Variants in TMEM165 observed in about 807,000 individuals in gnomAD.
TMEM165 encodes putative divalent cation/proton antiporter TMEM165.
Under a neutral mutation model 30.0 loss-of-function variants are expected in TMEM165, and 19 were observed. That is an observed-to-expected ratio of 0.63 (90% CI 0.44 to 0.93). The LOEUF is 0.93. Among genes scored for constraint, TMEM165 ranks in the 40% least tolerant of loss-of-function variants. TMEM165 has a pLI of 0.00. For synonymous variants in TMEM165, 168 were observed against 162.9 expected (o/e 1.03, Z -0.24); for missense variants, 340 against 417.0 (o/e 0.82, Z 1.61).
chr4:55,450,983 T>C (rs1417817782), intron 3 of TMEM165, among the ~76,000 whole-genome samples: 1 of 152,002 alleles, frequency 6.6e-6, no homozygotes, highest in Non-Finnish European at 1.5e-5. Flanking sequence ...CCAATGTTTC[T>C]TTCTCCATCA....
chr4:55,409,977 G>A (rs1004929791), intron 1 of TMEM165, among the ~76,000 whole-genome samples: 6 of 152,240 alleles, frequency 3.9e-5, no homozygotes, highest in African/African-American at 9.6e-5. Context: ...GGTCCCTCAC[G>A]GGATTGTTTT....
At chr4:55,443,631 T>A in intron 3 of TMEM165, 3 of 1,301,626 alleles carry the variant, frequency 2.3e-6, no homozygotes, top group South Asian at 2.4e-5. Context: ...GCTTCAGCAA[T>A]AGTGTGCCTT....
intron 3 of TMEM165, chr4:55,438,410 G>A: frequency 6.2e-7 from 1 of 1,613,918 alleles, no homozygotes; most frequent in Non-Finnish European, 8.5e-7. Flanking sequence ...GACTGTTGCT[G>A]TTGTGTAGCA....
At position 55,396,036 on chromosome 4, in the gene TMEM165, C is replaced by G. The variant is rs1046513831; in HGVS notation, c.-154C>G. 3.8e-6 allele frequency: 2 copies of G among 525,006 alleles called. No homozygotes were observed. The highest frequency in any genetic ancestry group is 5.9e-6 in the Non-Finnish European group (2 of 340,292). The allele number at this position is 525,006 out of a possible 1,614,324, so 32.5% of individuals were successfully genotyped here. On this transcript the variant is annotated 5_prime_UTR_variant, in exon 1 of 6. Transcript: ENST00000381334. ...TTCGGCCTGCCCCTCACCTCACTCC[C>G]GCTGCTTGCACCTCCCGGATGGTGC...
intron 4 of TMEM165, among the ~76,000 whole-genome samples, chr4:55,419,478 T>C (rs1026614220): frequency 2.0e-5 from 3 of 152,214 alleles, no homozygotes; most frequent in African/African-American, 7.2e-5. Context: ...GGCTGTGGCC[T>C]TCTTCACAGT....
rs544969694 is a variant in TMEM165 at position 55,400,877 on chromosome 4, G to A, written c.207+4481G>A. The stretch of plus-strand genomic sequence containing the variant: ...CATTGGCTATTTTTGTCCACCTGAT[G>A]GAGGTAAGAAATGATCAAAGTACAG... On this transcript the variant is annotated intron_variant, in intron 1 of 5. Coordinates refer to ENST00000381334, the MANE Select transcript of TMEM165 (RefSeq NM_018475.5). 4.4e-4 allele frequency among the ~76,000 whole-genome samples: 66 copies of A among 150,898 alleles called. 1 individual carries two copies. The Middle Eastern group carries it at 0.014, about 31-fold the overall frequency.
intron 4 of TMEM165, chr4:55,423,144 A>T (rs1722052877): frequency 6.6e-6 from 1 of 152,162 alleles, no homozygotes; most frequent in Admixed American, 6.5e-5. Flanking sequence ...TGTACTGCTC[A>T]GGCTAGCCTT....
intron 3 of TMEM165, chr4:55,444,492 G>A: frequency 1.1e-6 from 1 of 948,268 alleles, no homozygotes; most frequent in South Asian, 1.4e-5. Flanking sequence ...ATCATACTGA[G>A]TAGGTAACCA....
intron 3 of TMEM165, among the ~76,000 whole-genome samples, chr4:55,442,831 G>C (rs1386906954): frequency 6.6e-6 from 1 of 152,026 alleles, no homozygotes; most frequent in East Asian, 1.9e-4. Context: ...TATCTTGCTG[G>C]AAGGCAAGCT....
At chr4:55,400,272 A>AATATAATATTATATATTAT (rs1465173766) in intron 1 of TMEM165, among the ~76,000 whole-genome samples, 40 of 83,174 alleles carry the variant, frequency 4.8e-4, no homozygotes, top group East Asian at 4.6e-3. Context: ...TATAATATAT[A>AATATAATATTATATATTAT]ATATAATATT....
intron 5 of TMEM165, 74 bp from the exon 6 acceptor site, chr4:55,425,302 G>C: frequency 8.0e-7 from 1 of 1,244,504 alleles, no homozygotes; most frequent in Non-Finnish European, 1.1e-6. Context: ...CGCCTCATCG[G>C]CTCCCTTTTC....
At chr4:55,420,356 T>C (rs1214130657) in intron 4 of TMEM165, among the ~76,000 whole-genome samples, 1 of 151,084 alleles carries the variant, frequency 6.6e-6, no homozygotes, top group Non-Finnish European at 1.5e-5. Flanking sequence ...GAGTGACGTG[T>C]GAAAGGCTTG....
intron 3 of TMEM165, chr4:55,449,526 G>A (rs1724238695): frequency 1.3e-6 from 2 of 1,519,384 alleles, no homozygotes; most frequent in Non-Finnish European, 1.8e-6. Flanking sequence ...AAGAGCATTA[G>A]TACTTTATAA....
intron 3 of TMEM165, among the ~76,000 whole-genome samples, chr4:55,437,121 G>A (rs1722944026): frequency 6.6e-6 from 1 of 152,042 alleles, no homozygotes; most frequent in South Asian, 2.1e-4. Flanking sequence ...ATAGGCTTAA[G>A]GTCTAAAAGA....
chr4:55,433,050 T>C (rs1281242890), intron 3 of TMEM165: 1 of 152,584 alleles, frequency 6.6e-6, no homozygotes. Flanking sequence ...GTTAGCTAAA[T>C]CCGTATCACT....
intron 4 of TMEM165, chr4:55,418,212 T>C (rs993683281): frequency 2.4e-6 from 1 of 416,202 alleles, no homozygotes; most frequent in African/African-American, 2.1e-5. Flanking sequence ...TACTCATCCT[T>C]TTCCCTTTGG....
At chr4:55,415,411 A>G (rs567270588) in intron 2 of TMEM165, 1 of 151,878 alleles carries the variant, frequency 6.6e-6, no homozygotes. Flanking sequence ...GTACAACAAG[A>G]TATTACAGGT....
At chr4:55,424,700 G>C (rs1722121812) in intron 5 of TMEM165, 57 bp downstream of exon 5, 2 of 1,155,118 alleles carry the variant, frequency 1.7e-6, no homozygotes, top group South Asian at 2.5e-5. Flanking sequence ...GAGATTAAAG[G>C]GTGTTAGCTT....
intron 2 of TMEM165, chr4:55,412,611 A>G (rs1721556584): frequency 6.6e-6 from 1 of 151,944 alleles, no homozygotes; most frequent in South Asian, 2.1e-4. Flanking sequence ...ATGATTATAA[A>G]TTTTTGCTTC....
Sources: allele counts gnomAD v4.1 joint callset (sites outside exome capture counted in the v4.1 genomes callset), GRCh38; gene constraint gnomAD v4.1.1; transcripts MANE v1.5; gene names NCBI Gene and HGNC (gene_info 2026-07-23, HGNC 2026-07-21).